The following ASTN2 variants were observed in gnomAD, a reference collection of about 807,000 sequenced individuals.
ASTN2 encodes astrotactin 2.
Under a neutral mutation model 139.8 loss-of-function variants are expected in ASTN2, and 54 were observed. That is an observed-to-expected ratio of 0.39 (90% CI 0.31 to 0.48). ASTN2 has a LOEUF of 0.48. ASTN2 is among the 20% of genes least tolerant of loss of function. The pLI is 0.95. For synonymous variants in ASTN2, 756 were observed against 719.5 expected (o/e 1.05, Z -0.81); for missense variants, 1,565 against 1,725.1 (o/e 0.91, Z 1.64).
At chr9:116,539,426 C>T (rs936668209) in intron 19 of ASTN2, among the ~76,000 whole-genome samples, 7 of 151,562 alleles carry the variant, frequency 4.6e-5, no homozygotes, top group Admixed American at 4.6e-4. Flanking sequence ...GTCTGGCTGG[C>T]AGAGAGGACA....
At chr9:116,981,162 T>C (rs1375848865) in intron 7 of ASTN2, among the ~76,000 whole-genome samples, 1 of 152,168 alleles carries the variant, frequency 6.6e-6, no homozygotes, top group Non-Finnish European at 1.5e-5. Flanking sequence ...ACTTGCCTGT[T>C]CCCCCACTAA....
intron 3 of ASTN2, among the ~76,000 whole-genome samples, chr9:117,213,326 G>C (rs896982794): frequency 4.6e-5 from 7 of 152,098 alleles, no homozygotes; most frequent in Admixed American, 3.3e-4. Context: ...CAGGAATAGG[G>C]AGAAATTTAT....
intron 3 of ASTN2, among the ~76,000 whole-genome samples, chr9:117,176,397 T>C (rs1426677247): frequency 6.6e-6 from 1 of 152,180 alleles, no homozygotes; most frequent in Non-Finnish European, 1.5e-5. Flanking sequence ...TGAAGTTGAT[T>C]AGCTATGTGT....
chr9:117,326,170 T>C (rs987658996), intron 1 of ASTN2, among the ~76,000 whole-genome samples: 1 of 151,392 alleles, frequency 6.6e-6, no homozygotes, highest in African/African-American at 2.4e-5. Context: ...ACTTCTCTGT[T>C]TTTTTTTTAA....
At position 117,414,511 on chromosome 9, in the gene ASTN2, G is replaced by C; in HGVS notation, c.428C>G (p.Pro143Arg). Residue 143 changes from proline (P) to arginine (R), a missense_variant, in exon 1 of 23, where the codon CCC becomes CGC. Coordinates refer to ENST00000313400, the MANE Select transcript of ASTN2 (RefSeq NM_001365068.1). This position sits in a 1 kb window ranked among gnomAD's most constrained non-coding sequence, Gnocchi z 4.2. Reference sequence around the variant, plus strand: ...CCCAGCCTTACCCAGGGTGAAGAAGGGCAGCTCGGTGTTGTCCAGGTCGTC... The same window carrying C: ...CCCAGCCTTACCCAGGGTGAAGAAGCGCAGCTCGGTGTTGTCCAGGTCGTC... Reference protein sequence around the residue: ...VQDDLDNTELPFFTLEMSGTA... With the variant: ...VQDDLDNTELRFFTLEMSGTA... 1 of 1,609,008 alleles carries C rather than the reference G, an allele frequency of 6.2e-7. No individual in the cohort carries two copies. The highest frequency in any genetic ancestry group is 8.5e-7 in the Non-Finnish European group (1 of 1,178,240).
intron 6 of ASTN2, among the ~76,000 whole-genome samples, chr9:117,012,957 T>G (rs959022002): frequency 6.6e-6 from 1 of 152,182 alleles, no homozygotes; most frequent in African/African-American, 2.4e-5. Flanking sequence ...TGAGAACTTA[T>G]AGCCCAGAAA....
intron 11 of ASTN2, among the ~76,000 whole-genome samples, chr9:116,838,101 G>GTTTTTTTTTT (rs752512675): frequency 3.7e-5 from 5 of 134,134 alleles, no homozygotes; most frequent in Non-Finnish European, 6.2e-5. Context: ...GCCTGGCTGT[G>GTTTTTTTTTT]TTTTTTTTTG....
intron 4 of ASTN2, among the ~76,000 whole-genome samples, chr9:117,119,952 T>A (rs1463466425): frequency 6.8e-6 from 1 of 147,468 alleles, no homozygotes; most frequent in Non-Finnish European, 1.5e-5. Context: ...TTATTTCATA[T>A]GAAAGGAAAT....
At chr9:117,306,938 C>A (rs200061457) in intron 1 of ASTN2, among the ~76,000 whole-genome samples, 3 of 152,152 alleles carry the variant, frequency 2.0e-5, no homozygotes, top group African/African-American at 7.2e-5. Flanking sequence ...TTGTGATGGG[C>A]AGGTGTGCCT....
At chr9:116,783,446 A>G (rs1460272810) in intron 13 of ASTN2, among the ~76,000 whole-genome samples, 1 of 152,046 alleles carries the variant, frequency 6.6e-6, no homozygotes, top group Non-Finnish European at 1.5e-5. Context: ...TACTGGGCAT[A>G]CAAATAAACA....
Position 117,230,499 on chromosome 9 carries a change from G to A in ASTN2, c.631-15757C>T, listed in dbSNP as rs79509838. On this transcript the variant is annotated intron_variant, in intron 2 of 22. Coordinates refer to ENST00000313400, the MANE Select transcript of ASTN2 (RefSeq NM_001365068.1). ...ACCCTAAGTCAGGGATGATTTCATCGTAAGATCCTTAATTAATTACATCTA... is the reference window on the plus strand; with the variant it reads ...ACCCTAAGTCAGGGATGATTTCATCATAAGATCCTTAATTAATTACATCTA... 8.0e-3 allele frequency among the ~76,000 whole-genome samples: 1,215 copies of A among 152,230 alleles called. 20 individuals are homozygous for A. Among genetic ancestry groups the A allele is most frequent in the African/African-American group, 0.028 (1,157 of 41,536 alleles).
intron 1 of ASTN2, among the ~76,000 whole-genome samples, chr9:117,400,751 C>T (rs1397256402): frequency 6.6e-6 from 1 of 152,156 alleles, no homozygotes; most frequent in Non-Finnish European, 1.5e-5. Flanking sequence ...ACCCTTCTCT[C>T]CCTCCTGGGC....
intron 3 of ASTN2, among the ~76,000 whole-genome samples, chr9:117,151,497 T>C (rs957805229): frequency 2.0e-5 from 3 of 152,150 alleles, no homozygotes; most frequent in Non-Finnish European, 2.9e-5. Context: ...GGACACTGTT[T>C]AGTGGAAGAG....
chr9:116,869,397 A>T (rs1833097531), intron 10 of ASTN2, among the ~76,000 whole-genome samples: 1 of 152,192 alleles, frequency 6.6e-6, no homozygotes, highest in Non-Finnish European at 1.5e-5. Context: ...GGTAGGACAG[A>T]GCCAGGACTA....
chr9:116,847,221 T>C (rs1564302459), intron 11 of ASTN2, among the ~76,000 whole-genome samples: 1 of 152,142 alleles, frequency 6.6e-6, no homozygotes. Context: ...GTTCAAGTGA[T>C]TCTCCTGCCT....
chr9:117,333,289 G>A (rs950741443), intron 1 of ASTN2, among the ~76,000 whole-genome samples: 15 of 152,108 alleles, frequency 9.9e-5, no homozygotes, highest in South Asian at 2.1e-4. Context: ...GTGCATGGCC[G>A]CTCTCATCTC....
In ASTN2 at chr9:116,801,387, T is replaced by A. The variant is rs923668657; in HGVS notation, c.2396+4245A>T. Among the ~76,000 whole-genome samples the A allele has an allele frequency of 1.3e-4, 19 of 151,212 alleles. No individual in the cohort carries two copies. In the East Asian group the frequency reaches 3.7e-3, roughly 29 times the overall value. On this transcript the variant is annotated intron_variant, in intron 13 of 22. Coordinates refer to ENST00000313400, the MANE Select transcript of ASTN2 (RefSeq NM_001365068.1). The stretch of plus-strand genomic sequence containing the variant: ...CGCGAGGTCAGGAGTTTGAGACCAG[T>A]CTGGCTAACACAGCGAAACCCCGTC...
At chr9:116,916,194 T>C (rs911016759) in intron 10 of ASTN2, among the ~76,000 whole-genome samples, 1 of 152,204 alleles carries the variant, frequency 6.6e-6, no homozygotes, top group Non-Finnish European at 1.5e-5. Context: ...GGTTTCATGT[T>C]GTTGTCTGTC....
chr9:116,495,753 G>T (rs1849648807), intron 19 of ASTN2, among the ~76,000 whole-genome samples: 1 of 152,176 alleles, frequency 6.6e-6, no homozygotes, highest in South Asian at 2.1e-4. Context: ...ATTCAAAGCT[G>T]TCAGACTCCA....
Sources: gnomAD v4.1 joint callset for allele counts (sites outside exome capture counted in the v4.1 genomes callset) on GRCh38, gnomAD v4.1.1 for gene constraint, Gnocchi (gnomAD v3.1) non-coding constraint, MANE v1.5 for transcripts, NCBI Gene and HGNC (gene_info 2026-07-23, HGNC 2026-07-21) for gene names.